SIAH3: variants seen among roughly 807,000 people sequenced by gnomAD.
SIAH3 encodes the protein seven in absentia homolog 3.
A neutral mutation model predicts 12.6 loss-of-function variants in SIAH3; 9 were observed. That is an observed-to-expected ratio of 0.72 (90% CI 0.43 to 1.25). SIAH3 has a LOEUF of 1.25. Among genes scored for constraint, SIAH3 ranks in the 50% most tolerant of loss-of-function variants. SIAH3 has a pLI of 0.00. For missense variants in SIAH3, 390 were observed against 365.4 expected (o/e 1.07, Z -0.55); for synonymous variants, 154 against 151.1 (o/e 1.02, Z -0.14).
At chr13:45,806,314 C>G (rs147761600) in intron 1 of SIAH3, among the ~76,000 whole-genome samples, 79 of 152,244 alleles carry the variant, frequency 5.2e-4, no homozygotes, top group Non-Finnish European at 7.6e-4. Context: ...ATGGAATCAA[C>G]CCAGGTCCCC....
At position 45,841,586 on chromosome 13, in the gene SIAH3, C is replaced by A. The variant is rs544403685; in HGVS notation, c.135+9909G>T. Reference sequence around the variant, plus strand: ...AAGAAATGATTACAAGATATAGCAACTTGCAAGTAAAACTGACACTTCCAG... The same window carrying A: ...AAGAAATGATTACAAGATATAGCAAATTGCAAGTAAAACTGACACTTCCAG... On this transcript the variant is annotated intron_variant, in intron 1 of 1. Coordinates refer to ENST00000400405, the MANE Select transcript of SIAH3 (RefSeq NM_198849.3). Among the ~76,000 whole-genome samples, 50 of 152,322 alleles carry A rather than the reference C, an allele frequency of 3.3e-4. 1 individual carries two copies. The highest frequency in any genetic ancestry group is 9.1e-4 in the African/African-American group (38 of 41,568).
At chr13:45,839,144 G>C (rs920993032) in intron 1 of SIAH3, among the ~76,000 whole-genome samples, 2 of 152,064 alleles carry the variant, frequency 1.3e-5, no homozygotes, top group African/African-American at 4.8e-5. Context: ...GGATCTCTTA[G>C]AGAACAGGTG....
At chr13:45,808,204 A>T (rs892491805) in intron 1 of SIAH3, among the ~76,000 whole-genome samples, 2 of 152,214 alleles carry the variant, frequency 1.3e-5, no homozygotes, top group African/African-American at 4.8e-5. Context: ...GAAGAAAGTG[A>T]TGAAGAAAAT....
chr13:45,837,272 CAT>C (rs2137580561), intron 1 of SIAH3, among the ~76,000 whole-genome samples: 1 of 152,242 alleles, frequency 6.6e-6, no homozygotes, highest in South Asian at 2.1e-4. Context: ...TGGATTTGTT[CAT>C]AGAGTCATTA....
chr13:45,803,344 T>C (rs1355643037), intron 1 of SIAH3, among the ~76,000 whole-genome samples: 1 of 152,182 alleles, frequency 6.6e-6, no homozygotes, highest in Non-Finnish European at 1.5e-5. Context: ...TGATAAATAA[T>C]ACCCAGTGTC....
At chr13:45,845,167 A>G in intron 1 of SIAH3, among the ~76,000 whole-genome samples, 1 of 150,196 alleles carries the variant, frequency 6.7e-6, no homozygotes, top group Non-Finnish European at 1.5e-5. Flanking sequence ...ACTTTCAGAG[A>G]GTTCTCATTT....
chr13:45,828,509 A>G (rs1327688513), intron 1 of SIAH3, among the ~76,000 whole-genome samples: 3 of 152,232 alleles, frequency 2.0e-5, no homozygotes, highest in Non-Finnish European at 4.4e-5. Context: ...ATTTAACCAC[A>G]GTATAATAAG....
intron 1 of SIAH3, among the ~76,000 whole-genome samples, chr13:45,834,083 C>T (rs368093552): frequency 1.5e-4 from 23 of 152,034 alleles, no homozygotes; most frequent in African/African-American, 2.9e-4. Context: ...ATCTCATTCC[C>T]GGAATTCTAA....
chr13:45,812,661 A>C (rs921024915), intron 1 of SIAH3, among the ~76,000 whole-genome samples: 8 of 151,866 alleles, frequency 5.3e-5, no homozygotes, highest in Non-Finnish European at 1.2e-4. Context: ...ATAAATATAT[A>C]ACACACACAC....
In SIAH3 at chr13:45,778,015, C is replaced by T. The variant is rs1593371727; in HGVS notation, c.*5368G>A. ...GTCTGGGTAGGCTATGGATTGTGAA[C>T]AGGGTCCTTACTGGGTTGCAAAAAA... On this transcript the variant is annotated 3_prime_UTR_variant, in exon 2 of 2. Transcript: ENST00000400405. The T allele has an allele frequency of 6.6e-6, 1 of 152,182 alleles. No individual in the cohort carries two copies. The highest frequency in any genetic ancestry group is 1.9e-4 in the East Asian group (1 of 5,192). The allele number at this position is 152,182 out of a possible 1,614,324, so 9.4% of individuals were successfully genotyped here.
intron 1 of SIAH3, among the ~76,000 whole-genome samples, chr13:45,826,369 A>ATGGTTGGGTAGG (rs369495671): frequency 0.96 from 77,712 of 80,676 alleles, 37,864 homozygotes; most frequent in African/African-American, 0.98. Flanking sequence ...GGATGGATGG[A>ATGGTTGGGTAGG]TGGATGAATG....
chr13:45,800,316 T>G (rs1039053814), intron 1 of SIAH3, among the ~76,000 whole-genome samples: 3 of 152,224 alleles, frequency 2.0e-5, no homozygotes, highest in Non-Finnish European at 4.4e-5. Flanking sequence ...TCCATTGGCC[T>G]TGGAGAACTC....
intron 1 of SIAH3, among the ~76,000 whole-genome samples, chr13:45,831,707 G>A (rs541437808): frequency 3.2e-4 from 48 of 152,292 alleles, no homozygotes; most frequent in Middle Eastern, 6.8e-3. Flanking sequence ...TAAAGAGGAG[G>A]GAGGGGACAT....
In SIAH3 at chr13:45,777,550, TG is replaced by T. The variant is rs1444387721; in HGVS notation, c.*5832del. On this transcript the variant is annotated 3_prime_UTR_variant, in exon 2 of 2. Transcript: ENST00000400405. ...AGGTAGTTCATGTGATGACCTGATTTGGGGGGAAATTAATGTTTATCTACAC... is the reference window on the plus strand; with the variant it reads ...AGGTAGTTCATGTGATGACCTGATTTGGGGGAAATTAATGTTTATCTACAC... 6.6e-6 allele frequency: 1 copy of T among 152,142 alleles called. No individual in the cohort carries two copies. 9.4% of individuals were successfully genotyped at this position (152,142 alleles called of 1,614,324 possible).
At chr13:45,811,629 A>AT in intron 1 of SIAH3, among the ~76,000 whole-genome samples, 1 of 152,248 alleles carries the variant, frequency 6.6e-6, no homozygotes, top group African/African-American at 2.4e-5. Context: ...CACCCAGCTA[A>AT]TTTTTGTATT....
intron 1 of SIAH3, among the ~76,000 whole-genome samples, chr13:45,805,912 G>A (rs780561324): frequency 1.4e-4 from 21 of 151,994 alleles, no homozygotes; most frequent in Non-Finnish European, 2.5e-4. Context: ...ATGGGCAAAG[G>A]ACATGACAGA....
intron 1 of SIAH3, among the ~76,000 whole-genome samples, chr13:45,824,568 C>A (rs1475712193): frequency 6.6e-6 from 1 of 152,160 alleles, no homozygotes; most frequent in Non-Finnish European, 1.5e-5. Context: ...TTCAGCCCTT[C>A]CCCTTGGTTT....
chr13:45,805,093 A>G (rs967059462), intron 1 of SIAH3, among the ~76,000 whole-genome samples: 1 of 152,100 alleles, frequency 6.6e-6, no homozygotes, highest in African/African-American at 2.4e-5. Context: ...GAAATCATAG[A>G]TGATACAAGC....
intron 1 of SIAH3, among the ~76,000 whole-genome samples, chr13:45,797,579 C>A (rs1387417421): frequency 1.3e-5 from 2 of 152,178 alleles, no homozygotes; most frequent in African/African-American, 4.8e-5. Context: ...GAGGGTTAGA[C>A]CAGCAATCCT....
Sources: gnomAD v4.1 joint callset for allele counts (sites outside exome capture counted in the v4.1 genomes callset) on GRCh38, gnomAD v4.1.1 for gene constraint, MANE v1.5 for transcripts, NCBI Gene and HGNC (gene_info 2026-07-23, HGNC 2026-07-21) for gene names.